FRY: variants seen among roughly 807,000 people sequenced by gnomAD.
FRY encodes FRY microtubule binding protein, also known as protein furry homolog.
FRY carries 128 observed loss-of-function variants against 348.4 expected under a neutral mutation model. That is an observed-to-expected ratio of 0.37 (90% CI 0.32 to 0.43). FRY has a LOEUF of 0.43. Among genes scored for constraint, FRY ranks in the 20% least tolerant of loss-of-function variants. The pLI, the probability that FRY is intolerant of heterozygous loss-of-function variation, is 1.00. For missense variants in FRY, 2,736 were observed against 3,695.2 expected, an observed-to-expected ratio of 0.74 and a Z score of 6.73; for synonymous variants, 1,370 against 1,374.7, an observed-to-expected ratio of 1.00 and a Z score of 0.08.
chr13:32,188,553 CT>C (rs1377969083), intron 28 of FRY, among the ~76,000 whole-genome samples: 1 of 152,156 alleles, frequency 6.6e-6, no homozygotes, highest in African/African-American at 2.4e-5. Flanking sequence ...CTTTGGCTAA[CT>C]TTCTCAAAAC....
chr13:32,203,600 C>T (rs774142709), intron 31 of FRY, among the ~76,000 whole-genome samples: 2 of 152,014 alleles, frequency 1.3e-5, no homozygotes, highest in Non-Finnish European at 2.9e-5. Context: ...GCCCACGCCT[C>T]TAGTCCCAGC....
At chr13:32,126,431 T>A (rs1455909055) in intron 7 of FRY, among the ~76,000 whole-genome samples, 1 of 152,230 alleles carries the variant, frequency 6.6e-6, no homozygotes, top group Non-Finnish European at 1.5e-5. Flanking sequence ...TGTAGGAATT[T>A]CCATTTTAGG....
chr13:32,232,550 G>A (rs1566153039), intron 41 of FRY, among the ~76,000 whole-genome samples: 1 of 152,208 alleles, frequency 6.6e-6, no homozygotes, highest in Non-Finnish European at 1.5e-5. Context: ...CTTCCGCTAG[G>A]TGCTTCAGGA....
At chr13:32,275,100 CG>C in intron 56 of FRY, 109 bp downstream of exon 56, 1 of 1,009,768 alleles carries the variant, frequency 9.9e-7, no homozygotes, top group South Asian at 1.3e-5. Context: ...ACCTTCTGGC[CG>C]GGTGCGGTGG....
intron 2 of FRY, among the ~76,000 whole-genome samples, chr13:32,098,501 A>G (rs1002765712): frequency 6.6e-6 from 1 of 151,992 alleles, no homozygotes; most frequent in African/African-American, 2.4e-5. Flanking sequence ...ACTTTACTCT[A>G]TGGTAAGGTC....
intron 31 of FRY, among the ~76,000 whole-genome samples, chr13:32,207,696 T>A (rs1273979891): frequency 6.6e-6 from 1 of 152,230 alleles, no homozygotes; most frequent in South Asian, 2.1e-4. Context: ...ATTATTGTGA[T>A]ATAACATTAT....
chr13:32,190,285 C>T (rs760049974), intron 28 of FRY, among the ~76,000 whole-genome samples: 3 of 151,984 alleles, frequency 2.0e-5, no homozygotes, highest in Non-Finnish European at 4.4e-5. Flanking sequence ...AGCTTACTGT[C>T]ACCACCTCTA....
chr13:32,122,349 G>A (rs571237765), intron 4 of FRY, among the ~76,000 whole-genome samples: 10 of 151,882 alleles, frequency 6.6e-5, no homozygotes, highest in East Asian at 3.9e-4. Context: ...AGGCTGAGGC[G>A]GGATAATGGT....
At chr13:32,225,155 C>T (rs1421695029) in intron 38 of FRY, 119 bp downstream of exon 38, 1 of 722,244 alleles carries the variant, frequency 1.4e-6, no homozygotes, top group African/African-American at 1.7e-5. Context: ...TATTCTATCT[C>T]CACCATTTTT....
chr13:32,290,355 A>G (rs1593857824), intron 59 of FRY, among the ~76,000 whole-genome samples: 1 of 152,164 alleles, frequency 6.6e-6, no homozygotes, highest in Admixed American at 6.5e-5. Context: ...CTAACGGCTC[A>G]TTTGCCTAGG....
chr13:32,273,298 T>C (rs1197645981), intron 55 of FRY, among the ~76,000 whole-genome samples: 1 of 149,228 alleles, frequency 6.7e-6, no homozygotes, highest in Non-Finnish European at 1.5e-5. Flanking sequence ...CTCGGCTCAC[T>C]GCAGGCTCCG....
intron 58 of FRY, among the ~76,000 whole-genome samples, chr13:32,280,576 T>G (rs973060977): frequency 2.6e-5 from 4 of 152,238 alleles, no homozygotes; most frequent in African/African-American, 9.7e-5. Context: ...AGAACAGTTA[T>G]ATCAGGTTAG....
chr13:32,295,069 A>G, intron 60 of FRY, 133 bp from the exon 61 acceptor site: 1 of 806,442 alleles, frequency 1.2e-6, no homozygotes, highest in Non-Finnish European at 2.1e-6. Flanking sequence ...AGATGAGTGA[A>G]TTACCTGATA....
At chr13:32,128,478 G>A (rs1879161985) in intron 7 of FRY, among the ~76,000 whole-genome samples, 1 of 152,194 alleles carries the variant, frequency 6.6e-6, no homozygotes, top group Admixed American at 6.5e-5. Flanking sequence ...CTCATGGTCA[G>A]TGCTACCTTG....
chr13:32,127,296 A>G (rs1224392657), intron 7 of FRY, among the ~76,000 whole-genome samples: 1 of 152,212 alleles, frequency 6.6e-6, no homozygotes, highest in East Asian at 1.9e-4. Flanking sequence ...ATTTTATAGT[A>G]TACCAAAGAC....
At chr13:32,202,563 A>G in intron 31 of FRY, 36 bp downstream of exon 31, 1 of 1,451,134 alleles carries the variant, frequency 6.9e-7, no homozygotes, top group Non-Finnish European at 9.7e-7. Flanking sequence ...ATATGTGATC[A>G]TTTCTAATAA....
chr13:32,276,277 A>C (rs1172474531), intron 56 of FRY, among the ~76,000 whole-genome samples, 187 bp from the exon 57 acceptor site: 2 of 152,244 alleles, frequency 1.3e-5, no homozygotes, highest in African/African-American at 4.8e-5. Context: ...GGTGTGCATT[A>C]TCAAGCTCGG....
intron 59 of FRY, among the ~76,000 whole-genome samples, chr13:32,291,012 G>A (rs577903192): frequency 9.2e-5 from 14 of 152,124 alleles, no homozygotes; most frequent in Admixed American, 2.6e-4. Flanking sequence ...TGGCTTAAAC[G>A]GCGACTGACC....
chr13:32,143,860 C>G (rs886582204), intron 11 of FRY, among the ~76,000 whole-genome samples: 2 of 152,132 alleles, frequency 1.3e-5, no homozygotes, highest in Non-Finnish European at 2.9e-5. Context: ...TCACTTAACT[C>G]TCATACATTC....
Sources: gnomAD v4.1 joint callset for allele counts (sites outside exome capture counted in the v4.1 genomes callset) on GRCh38, gnomAD v4.1.1 for gene constraint, MANE v1.5 for transcripts, NCBI Gene and HGNC (gene_info 2026-07-23, HGNC 2026-07-21) for gene names.